The following SGCZ variants were observed in gnomAD, a reference collection of about 807,000 sequenced individuals.
SGCZ encodes sarcoglycan zeta.
Under a neutral mutation model 41.3 loss-of-function variants are expected in SGCZ, and 40 were observed. That is an observed-to-expected ratio of 0.97 (90% CI 0.75 to 1.26). SGCZ has a LOEUF of 1.26. Ranked by LOEUF, SGCZ falls within the 50% of genes most tolerant of loss-of-function variation. The pLI is 0.00. For missense variants in SGCZ, 552 were observed against 369.8 expected (o/e 1.49, Z -4.04); for synonymous variants, 206 against 137.5 (o/e 1.50, Z -3.49).
chr8:14,561,357 A>AT (rs1396908062), intron 1 of SGCZ, among the ~76,000 whole-genome samples: 1 of 152,112 alleles, frequency 6.6e-6, no homozygotes, highest in Non-Finnish European at 1.5e-5. Flanking sequence ...AGAGGTACTG[A>AT]TTTTCTCAGA....
At chr8:14,095,718 TTTC>T (rs1801823031) in intron 7 of SGCZ, among the ~76,000 whole-genome samples, 1 of 152,040 alleles carries the variant, frequency 6.6e-6, no homozygotes, top group Admixed American at 6.6e-5. Flanking sequence ...CACGATAATG[TTTC>T]TTCTTATCCA....
chr8:15,001,646 G>A (rs34554047), intron 1 of SGCZ, among the ~76,000 whole-genome samples: 129 of 149,156 alleles, frequency 8.6e-4, no homozygotes, highest in African/African-American at 3.0e-3. Context: ...GGAGAATGGC[G>A]TGAACCCAGG....
chr8:14,189,214 C>T (rs1004968473), intron 4 of SGCZ, among the ~76,000 whole-genome samples: 4 of 152,074 alleles, frequency 2.6e-5, no homozygotes, highest in Non-Finnish European at 4.4e-5. Context: ...GCTGCTGAAA[C>T]GCCAATCTTA....
chr8:14,584,510 T>C (rs774314037), intron 1 of SGCZ, among the ~76,000 whole-genome samples: 4 of 152,062 alleles, frequency 2.6e-5, no homozygotes, highest in Non-Finnish European at 5.9e-5. Context: ...ATTGTGAGCA[T>C]TGACATAAGG....
At chr8:14,969,626 T>A (rs889395705) in intron 1 of SGCZ, among the ~76,000 whole-genome samples, 2 of 152,016 alleles carry the variant, frequency 1.3e-5, no homozygotes, top group Non-Finnish European at 2.9e-5. Flanking sequence ...TTTATATAAA[T>A]GGAATCATAC....
chr8:14,718,158 G>GCA (rs376690128), intron 1 of SGCZ, among the ~76,000 whole-genome samples: 35 of 149,836 alleles, frequency 2.3e-4, no homozygotes, highest in Middle Eastern at 6.9e-3. Flanking sequence ...ACATATGCAT[G>GCA]CACACACACA....
At chr8:14,999,343 T>C (rs913971428) in intron 1 of SGCZ, among the ~76,000 whole-genome samples, 3 of 152,216 alleles carry the variant, frequency 2.0e-5, no homozygotes, top group Non-Finnish European at 4.4e-5. Flanking sequence ...CATAGGATTA[T>C]AGTCAGAAAA....
chr8:14,616,965 T>C (rs532591527), intron 1 of SGCZ, among the ~76,000 whole-genome samples: 1 of 152,246 alleles, frequency 6.6e-6, no homozygotes, highest in Admixed American at 6.5e-5. Context: ...TAGCCATTTC[T>C]TTTCTGAGTT....
chr8:15,044,072 T>C (rs1050000561), intron 1 of SGCZ, among the ~76,000 whole-genome samples: 5 of 152,204 alleles, frequency 3.3e-5, no homozygotes, highest in Admixed American at 1.3e-4. Context: ...GCTATCCCTG[T>C]ATTTGCATAT....
At chr8:15,166,232 C>CTT (rs146755729) in intron 1 of SGCZ, among the ~76,000 whole-genome samples, 3 of 145,282 alleles carry the variant, frequency 2.1e-5, no homozygotes, top group South Asian at 2.2e-4. Context: ...ATGCTCAATC[C>CTT]TTTTTTTTTT....
intron 2 of SGCZ, among the ~76,000 whole-genome samples, chr8:14,528,320 C>T (rs181484337): frequency 2.0e-4 from 30 of 152,088 alleles, no homozygotes; most frequent in African/African-American, 6.0e-4. Context: ...AAGCATGCGA[C>T]GGATTAAAAA....
chr8:14,882,566 T>C (rs1023697036), intron 1 of SGCZ, among the ~76,000 whole-genome samples: 3 of 152,186 alleles, frequency 2.0e-5, no homozygotes, highest in Non-Finnish European at 4.4e-5. Flanking sequence ...TGTTAGCCTG[T>C]TCCACTCAGA....
At chr8:14,152,955 A>G (rs375007843) in intron 5 of SGCZ, among the ~76,000 whole-genome samples, 1 of 152,218 alleles carries the variant, frequency 6.6e-6, no homozygotes, top group Non-Finnish European at 1.5e-5. Flanking sequence ...GATTCTGAAT[A>G]TAACATTCTT....
At chr8:14,381,355 C>G (rs1299884730) in intron 2 of SGCZ, among the ~76,000 whole-genome samples, 2 of 152,178 alleles carry the variant, frequency 1.3e-5, no homozygotes, top group African/African-American at 4.8e-5. Context: ...AGAAATTATT[C>G]AGGTCCAGCC....
Position 14,989,716 on chromosome 8 carries a change from C to T in SGCZ, c.39+247869G>A, listed in dbSNP as rs1402979646. Among the ~76,000 whole-genome samples, 5 of 152,094 alleles carry T rather than the reference C, an allele frequency of 3.3e-5. No individual in the cohort carries two copies. In the East Asian group the frequency reaches 5.8e-4, roughly 18 times the overall value. On this transcript the variant is annotated intron_variant, in intron 1 of 7. Transcript: ENST00000382080. ...CTTGTCAAGGTTAGCTTTTCTGTCA[C>T]GAGCAGAAATGAGTGTTCTTTAGTT...
rs187250045 is a variant in SGCZ at position 14,725,322 on chromosome 8, T to C, written c.40-170396A>G. ...GGAATGCAGCTATCTCTTTGATATA[T>C]TTATTTTCTTTCTTTGGATATATAC... On this transcript the variant is annotated intron_variant, in intron 1 of 7. Transcript: ENST00000382080. Among the ~76,000 whole-genome samples, 517 of 152,332 alleles carry C rather than the reference T, an allele frequency of 3.4e-3. 2 individuals are homozygous for C. Among genetic ancestry groups the C allele is most frequent in the Non-Finnish European group, 5.7e-3 (385 of 68,026 alleles).
intron 1 of SGCZ, among the ~76,000 whole-genome samples, chr8:14,840,319 C>T (rs940401348): frequency 6.6e-6 from 1 of 152,036 alleles, no homozygotes; most frequent in South Asian, 2.1e-4. Context: ...TATTTATTCA[C>T]ATAAGATTAT....
chr8:14,475,810 T>C (rs546558964), intron 2 of SGCZ, among the ~76,000 whole-genome samples: 2 of 152,294 alleles, frequency 1.3e-5, no homozygotes, highest in Admixed American at 6.5e-5. Flanking sequence ...AGTACAATGT[T>C]GAATATACAC....
intron 3 of SGCZ, among the ~76,000 whole-genome samples, chr8:14,262,011 T>C (rs1799685007): frequency 1.3e-5 from 2 of 152,138 alleles, no homozygotes; most frequent in South Asian, 4.1e-4. Context: ...TCTAAGCAAT[T>C]TAAGCACGAC....
Sources: allele counts gnomAD v4.1 joint callset (sites outside exome capture counted in the v4.1 genomes callset), GRCh38; gene constraint gnomAD v4.1.1; transcripts MANE v1.5; gene names NCBI Gene and HGNC (gene_info 2026-07-23, HGNC 2026-07-21).